PCDHGA3: variants seen among roughly 807,000 people sequenced by gnomAD.
PCDHGA3 encodes protocadherin gamma subfamily A, 3, also known as protocadherin gamma-A3.
In PCDHGA3, 40 loss-of-function variants were observed where a neutral mutation model predicts 58.5. That is an observed-to-expected ratio of 0.68 (90% CI 0.53 to 0.89). PCDHGA3 has a LOEUF of 0.89. PCDHGA3 is among the 40% of genes least tolerant of loss of function. The probability of loss-of-function intolerance (pLI) is 0.00; values close to 1 mark genes in which losing one functional copy is unlikely to be tolerated. For missense variants in PCDHGA3, 1,223 were observed against 1,195.9 expected, an observed-to-expected ratio of 1.02 and a Z score of -0.33; for synonymous variants, 530 against 525.7, an observed-to-expected ratio of 1.01 and a Z score of -0.11.
At chr5:141,363,856 A>G (rs1763082637) in intron 1 of PCDHGA3, among the ~76,000 whole-genome samples, 2 of 152,230 alleles carry the variant, frequency 1.3e-5, no homozygotes, top group Admixed American at 6.5e-5. Context: ...TGGACTAAAT[A>G]TAGATAAGAG....
rs765634746 is a variant in PCDHGA3 at position 141,418,621 on chromosome 5, C to A, written c.2424+72164C>A. On this transcript the variant is annotated intron_variant, in intron 1 of 3. Transcript: ENST00000253812. Reference sequence around the variant, plus strand: ...TGTACAGGGTTAGCCTTCGGGAAGACGTGCCTCCAGGCACCTCCATCCTGA... The same window carrying A: ...TGTACAGGGTTAGCCTTCGGGAAGAAGTGCCTCCAGGCACCTCCATCCTGA... 8 of 1,614,034 alleles carry A rather than the reference C, an allele frequency of 5.0e-6. No individual in the cohort carries two copies. The East Asian group carries it at 1.8e-4, about 36-fold the overall frequency.
intron 1 of PCDHGA3, among the ~76,000 whole-genome samples, chr5:141,424,944 A>G (rs958272371): frequency 2.6e-5 from 4 of 152,108 alleles, no homozygotes; most frequent in African/African-American, 9.7e-5. Context: ...CTCTCACATC[A>G]CTTCTAGGTA....
At chr5:141,408,557 G>A in intron 1 of PCDHGA3, 6 of 1,614,046 alleles carry the variant, frequency 3.7e-6, no homozygotes, top group Non-Finnish European at 5.1e-6. Flanking sequence ...TATTTTTCAT[G>A]TCATTGTGGT....
intron 1 of PCDHGA3, chr5:141,422,953 G>A: frequency 6.2e-7 from 1 of 1,614,232 alleles, no homozygotes; most frequent in Non-Finnish European, 8.5e-7. Context: ...CTCCACTGGC[G>A]TGGAGCTGGC....
intron 1 of PCDHGA3, among the ~76,000 whole-genome samples, chr5:141,472,001 G>A (rs992798148): frequency 1.1e-4 from 17 of 152,022 alleles, no homozygotes; most frequent in East Asian, 3.9e-4. Context: ...TCCCTGCATC[G>A]TATAGGGGCA....
chr5:141,360,763 T>C lies in PCDHGA3; in HGVS notation c.2424+14306T>C, dbSNP rs760803467. On this transcript the variant is annotated intron_variant, in intron 1 of 3. Transcript: ENST00000253812. ...CAGAGAAGAGCACAGTTTACATCAA[T>C]TGGTCCTCACAGCTGTGGATGGCGG... 5.6e-6 allele frequency: 9 copies of C among 1,613,954 alleles called. No individual in the cohort carries two copies. In the South Asian group the frequency reaches 6.6e-5, roughly 12 times the overall value.
chr5:141,492,919 C>A (rs1019663003), intron 1 of PCDHGA3, among the ~76,000 whole-genome samples: 1 of 152,192 alleles, frequency 6.6e-6, no homozygotes, highest in Non-Finnish European at 1.5e-5. Context: ...ATGTGCCCAG[C>A]GATCTAGGGT....
intron 1 of PCDHGA3, among the ~76,000 whole-genome samples, chr5:141,363,049 C>G (rs1004145167): frequency 2.6e-5 from 4 of 152,206 alleles, no homozygotes; most frequent in Admixed American, 1.3e-4. Flanking sequence ...AAGACCAACA[C>G]TCAGTAAGCT....
At chr5:141,502,024 C>G (rs2099812413) in intron 2 of PCDHGA3, among the ~76,000 whole-genome samples, 1 of 152,152 alleles carries the variant, frequency 6.6e-6, no homozygotes, top group African/African-American at 2.4e-5. Context: ...TCCCTGCAAC[C>G]CCCGCCGCTT....
At chr5:141,451,185 T>C (rs900513875) in intron 1 of PCDHGA3, among the ~76,000 whole-genome samples, 1 of 152,182 alleles carries the variant, frequency 6.6e-6, no homozygotes, top group Non-Finnish European at 1.5e-5. Context: ...GCCATTGCTG[T>C]GTAACAAATT....
intron 1 of PCDHGA3, among the ~76,000 whole-genome samples, chr5:141,435,715 A>G (rs528951395): frequency 6.6e-6 from 1 of 152,328 alleles, no homozygotes; most frequent in African/African-American, 2.4e-5. Context: ...ACAGACACTG[A>G]ATGCTAAAGT....
intron 1 of PCDHGA3, chr5:141,423,091 G>GCGTAC (rs2096708211): frequency 2.5e-6 from 4 of 1,613,908 alleles, no homozygotes; most frequent in African/African-American, 2.7e-5. Context: ...CGCGGTGGGG[G>GCGTAC]AGCACACGGG....
rs769137645 is a variant in PCDHGA3 at position 141,355,852 on chromosome 5, G to C, written c.2424+9395G>C. Reference sequence around the variant, plus strand: ...CCTCGTTCTCACGGCCTTCGATGGAGGTGACCCGGTTCGCTCTGGCACTGC... The same window carrying C: ...CCTCGTTCTCACGGCCTTCGATGGACGTGACCCGGTTCGCTCTGGCACTGC... On this transcript the variant is annotated intron_variant, in intron 1 of 3. Transcript: ENST00000253812. 15 of 1,612,306 alleles carry C rather than the reference G, an allele frequency of 9.3e-6. No individual in the cohort carries two copies. The East Asian group carries it at 3.1e-4, about 34-fold the overall frequency.
chr5:141,497,512 T>C (rs903352739), intron 2 of PCDHGA3, among the ~76,000 whole-genome samples: 2 of 151,896 alleles, frequency 1.3e-5, no homozygotes, highest in Admixed American at 1.3e-4. Flanking sequence ...TCTGCTTCCT[T>C]AGTTAACTTG....
At chr5:141,427,774 G>A (rs760144039) in intron 1 of PCDHGA3, 1 of 1,420,908 alleles carries the variant, frequency 7.0e-7, no homozygotes, top group Non-Finnish European at 9.8e-7. Context: ...TTGGAGCTGC[G>A]GGCACTGTCG....
At chr5:141,451,049 C>T (rs538627151) in intron 1 of PCDHGA3, among the ~76,000 whole-genome samples, 1 of 151,422 alleles carries the variant, frequency 6.6e-6, no homozygotes, top group African/African-American at 2.4e-5. Context: ...AGGCTGGTCT[C>T]GAACTCCTGA....
At chr5:141,422,891 A>G in intron 1 of PCDHGA3, 3 of 1,614,192 alleles carry the variant, frequency 1.9e-6, no homozygotes, top group Non-Finnish European at 2.5e-6. Context: ...TTCGTGCTGG[A>G]CCAGAACGAC....
chr5:141,363,067 T>A (rs1215757323), intron 1 of PCDHGA3, among the ~76,000 whole-genome samples: 1 of 152,250 alleles, frequency 6.6e-6, no homozygotes, highest in Non-Finnish European at 1.5e-5. Context: ...GCTAAATGTC[T>A]TGGAATCACA....
intron 1 of PCDHGA3, chr5:141,428,009 A>G (rs778602169): frequency 3.7e-6 from 6 of 1,602,358 alleles, no homozygotes; most frequent in African/African-American, 2.7e-5. Context: ...TCTTCGATAT[A>G]GTGCCACGCG....
Sources: allele counts gnomAD v4.1 joint callset (sites outside exome capture counted in the v4.1 genomes callset), GRCh38; gene constraint gnomAD v4.1.1; transcripts MANE v1.5; gene names NCBI Gene and HGNC (gene_info 2026-07-23, HGNC 2026-07-21).